Variants in NEDD4L observed in about 807,000 individuals in gnomAD.
The protein encoded by NEDD4L is NEDD4 like E3 ubiquitin protein ligase.
In NEDD4L, 54 loss-of-function variants were observed where a neutral mutation model predicts 148.9. That is an observed-to-expected ratio of 0.36 (90% confidence interval 0.29 to 0.45). The LOEUF (loss-of-function observed/expected upper bound fraction) is 0.45. Ranked by LOEUF, NEDD4L falls within the 20% of genes least tolerant of loss-of-function variation. The probability of loss-of-function intolerance (pLI) is 1.00; values close to 1 mark genes in which losing one functional copy is unlikely to be tolerated. For synonymous variants in NEDD4L, 433 were observed against 440.7 expected (o/e 0.98, Z 0.22); for missense variants, 856 against 1,233.8 (o/e 0.69, Z 4.59).
At chr18:58,081,157 C>G (rs1320046216) in intron 1 of NEDD4L, among the ~76,000 whole-genome samples, 3 of 150,532 alleles carry the variant, frequency 2.0e-5, no homozygotes, top group Admixed American at 2.0e-4. Flanking sequence ...TATTTGGGAA[C>G]ATGCATTCTG....
chr18:58,340,515 G>A (rs1176895355), intron 13 of NEDD4L, among the ~76,000 whole-genome samples: 1 of 152,092 alleles, frequency 6.6e-6, no homozygotes, highest in African/African-American at 2.4e-5. Flanking sequence ...CCTAGAGAAG[G>A]GGCTCTGTGT....
intron 5 of NEDD4L, among the ~76,000 whole-genome samples, chr18:58,303,650 G>A (rs1844991042): frequency 1.3e-5 from 2 of 152,158 alleles, no homozygotes; most frequent in South Asian, 4.2e-4. Context: ...TTTGCTTGCT[G>A]ATCTTTTTCT....
At chr18:58,180,413 C>T (rs567975551) in intron 2 of NEDD4L, among the ~76,000 whole-genome samples, 10 of 151,968 alleles carry the variant, frequency 6.6e-5, no homozygotes, top group East Asian at 3.9e-4. Context: ...CCTTCAGCGC[C>T]GCAAGGGCCA....
chr18:58,323,455 T>C (rs1310535338), intron 8 of NEDD4L, 121 bp downstream of exon 8: 1 of 624,520 alleles, frequency 1.6e-6, no homozygotes, highest in Non-Finnish European at 2.8e-6. Flanking sequence ...AAAGTACATA[T>C]GTCCGCAAAT....
intron 24 of NEDD4L, among the ~76,000 whole-genome samples, chr18:58,378,184 G>A (rs1239317423): frequency 6.6e-6 from 1 of 152,136 alleles, no homozygotes; most frequent in East Asian, 1.9e-4. Flanking sequence ...TACCCAAAGG[G>A]AACAAGGAGG....
intron 1 of NEDD4L, among the ~76,000 whole-genome samples, chr18:58,096,371 ATTTT>A (rs1568210463): frequency 7.3e-6 from 1 of 137,272 alleles, no homozygotes; most frequent in Non-Finnish European, 1.5e-5. Flanking sequence ...ATTTTATTTT[ATTTT>A]ATTTTATTTT....
chr18:58,112,473 G>T (rs28647359), intron 1 of NEDD4L, among the ~76,000 whole-genome samples: 12,041 of 148,160 alleles, frequency 0.081, 558 homozygotes, highest in Non-Finnish European at 0.11. Context: ...TATATATATA[G>T]AGAGAGATTT....
At chr18:58,351,844 G>A (rs2043931270) in intron 18 of NEDD4L, among the ~76,000 whole-genome samples, 1 of 152,194 alleles carries the variant, frequency 6.6e-6, no homozygotes, top group Admixed American at 6.5e-5. Context: ...GAAAGTTAGG[G>A]TTTCCCTGGC....
intron 24 of NEDD4L, among the ~76,000 whole-genome samples, chr18:58,378,254 AG>A (rs1317769454): frequency 6.6e-6 from 1 of 152,230 alleles, no homozygotes; most frequent in African/African-American, 2.4e-5. Flanking sequence ...CACATTCCAC[AG>A]GTGTACTGTG....
At chr18:58,302,573 A>G (rs1342039393) in intron 5 of NEDD4L, among the ~76,000 whole-genome samples, 6 of 152,240 alleles carry the variant, frequency 3.9e-5, no homozygotes, top group African/African-American at 1.2e-4. Flanking sequence ...CAGCCTTGGC[A>G]GGGACCCACT....
At chr18:58,292,519 G>C (rs9952789) in intron 5 of NEDD4L, among the ~76,000 whole-genome samples, 27,046 of 152,044 alleles carry the variant, frequency 0.18, 2,585 homozygotes, top group East Asian at 0.28. Context: ...CCCCACCCTA[G>C]TCATGATCTC....
intron 1 of NEDD4L, among the ~76,000 whole-genome samples, chr18:58,116,589 G>A (rs140111439): frequency 6.3e-4 from 96 of 152,294 alleles, no homozygotes; most frequent in African/African-American, 2.2e-3. Context: ...TAAGCTCAAG[G>A]GACTCAAGGG....
rs377049984 is a variant in NEDD4L at position 58,087,130 on chromosome 18, A to AT, written c.48+42428dup. Among the ~76,000 whole-genome samples, 1,278 of 152,178 alleles carry AT rather than the reference A, an allele frequency of 8.4e-3. 18 individuals are homozygous for AT. The highest frequency in any genetic ancestry group is 0.029 in the African/African-American group (1,201 of 41,508). ...ATTGTTCTCTGAGCCATTGCCTTGGATTTTTTCCTGACTTCTTAACAAAGG... is the reference window on the plus strand; with the variant it reads ...ATTGTTCTCTGAGCCATTGCCTTGGATTTTTTTCCTGACTTCTTAACAAAGG... On this transcript the variant is annotated intron_variant, in intron 1 of 30. Coordinates refer to ENST00000400345, the MANE Select transcript of NEDD4L (RefSeq NM_001144967.3).
At chr18:58,188,047 T>G (rs1255293908) in intron 2 of NEDD4L, among the ~76,000 whole-genome samples, 1 of 152,168 alleles carries the variant, frequency 6.6e-6, no homozygotes, top group Non-Finnish European at 1.5e-5. Flanking sequence ...AGAAAGGAGT[T>G]TGAACAAAAG....
chr18:58,131,569 G>C (rs888681630), intron 1 of NEDD4L, among the ~76,000 whole-genome samples: 3 of 151,504 alleles, frequency 2.0e-5, no homozygotes, highest in African/African-American at 7.3e-5. Context: ...GGGCTCTGTT[G>C]GATTTGGTTG....
chr18:58,107,058 C>T (rs987007142), intron 1 of NEDD4L, among the ~76,000 whole-genome samples: 2 of 152,152 alleles, frequency 1.3e-5, no homozygotes, highest in Admixed American at 6.5e-5. Flanking sequence ...GACATCCCTC[C>T]TTGGCTTGCA....
At chr18:58,156,170 C>T (rs4941346) in intron 1 of NEDD4L, among the ~76,000 whole-genome samples, 8,094 of 152,204 alleles carry the variant, frequency 0.053, 333 homozygotes, top group East Asian at 0.22. Flanking sequence ...AAAACTAGTC[C>T]AGCGACCAGC....
chr18:58,103,719 A>G (rs2145538117), intron 1 of NEDD4L, among the ~76,000 whole-genome samples: 1 of 152,368 alleles, frequency 6.6e-6, no homozygotes, highest in Admixed American at 6.5e-5. Context: ...TGATAATGCT[A>G]GAAGTGAAAC....
At position 58,341,743 on chromosome 18, in the gene NEDD4L, C is replaced by T; in HGVS notation, c.1323C>T (p.Ile441=). ...NSNNHLIEPQ[I]RRPRSLSSPT... is the part of the protein sequence containing the mutation. ...ACAACCATCTAATCGAGCCTCAGAT[C>T]CGCCGGCCTCGTAGCCTCAGCTCGC... Residue 441 remains isoleucine, a synonymous_variant, in exon 15 of 31, where the codon ATC becomes ATT. Coordinates refer to ENST00000400345, the MANE Select transcript of NEDD4L (RefSeq NM_001144967.3). 1.2e-6 allele frequency: 2 copies of T among 1,613,928 alleles called. No homozygotes were observed. Among genetic ancestry groups the T allele is most frequent in the Non-Finnish European group, 1.7e-6 (2 of 1,179,878 alleles).
Sources: gnomAD v4.1 joint callset for allele counts (sites outside exome capture counted in the v4.1 genomes callset) on GRCh38, gnomAD v4.1.1 for gene constraint, MANE v1.5 for transcripts, NCBI Gene and HGNC (gene_info 2026-07-23, HGNC 2026-07-21) for gene names.